MRTFB: variants seen among roughly 807,000 people sequenced by gnomAD.
The protein encoded by MRTFB is myocardin related transcription factor B, also known as myocardin-related transcription factor B.
A neutral mutation model predicts 104.2 loss-of-function variants in MRTFB; 29 were observed. The observed-to-expected ratio is 0.28, with a 90% CI of 0.21 to 0.38. MRTFB has a LOEUF of 0.38. Among genes scored for constraint, MRTFB ranks in the 10% least tolerant of loss-of-function variants. The pLI is 1.00. For missense variants in MRTFB, 1,270 were observed against 1,341.6 expected (o/e 0.95, Z 0.83); for synonymous variants, 535 against 519.5 (o/e 1.03, Z -0.41).
chr16:14,106,427 A>G (rs574929576), intron 2 of MRTFB, among the ~76,000 whole-genome samples: 12 of 152,318 alleles, frequency 7.9e-5, no homozygotes, highest in Middle Eastern at 3.4e-3. Context: ...CTTCTTACCT[A>G]TACTGTTAAG....
At position 14,240,300 on chromosome 16, in the gene MRTFB, C is replaced by T. The variant is rs372293193; in HGVS notation, c.895C>T (p.Arg299Trp). ...CAAAAAGTGCAAAGATCCCAAACCA[C>T]GGGTAAAGAAGTTAAAGTACCACCA... ...RSKKCKDPKPRVKKLKYHQYI... is the reference protein window; with the variant it reads ...RSKKCKDPKPWVKKLKYHQYI... Residue 299 changes from arginine to tryptophan, a missense_variant, in exon 10 of 17, where the codon CGG becomes TGG. Around this residue, in one of 3 missense-constraint regions of MRTFB, gnomAD observed 1,144 missense variants for 1,131.5 expected, o/e 1.01. Transcript: ENST00000571589. The T allele has an allele frequency of 1.9e-6, 3 of 1,613,792 alleles. No homozygotes were observed. The highest frequency in any genetic ancestry group is 1.3e-5 in the African/African-American group (1 of 74,880).
At chr16:14,048,863 G>C in the MRTFB span, among the ~76,000 whole-genome samples, 1 of 152,172 alleles carries the variant, frequency 6.6e-6, no homozygotes, top group African/African-American at 2.4e-5. Context: ...GTCTCCCTGG[G>C]ACCTATGCAG....
At chr16:14,118,971 TTATC>T (rs2036694494) in intron 2 of MRTFB, among the ~76,000 whole-genome samples, 3 of 152,274 alleles carry the variant, frequency 2.0e-5, no homozygotes, top group Non-Finnish European at 4.4e-5. Context: ...ACACTACAGT[TTATC>T]CATTCTTCTG....
intron 8 of MRTFB, among the ~76,000 whole-genome samples, chr16:14,228,177 G>C (rs1048545658): frequency 6.6e-6 from 1 of 152,194 alleles, no homozygotes; most frequent in African/African-American, 2.4e-5. Context: ...GTATACTGTT[G>C]GTGGGAAAGT....
At chr16:14,015,156 G>A in the MRTFB span, among the ~76,000 whole-genome samples, 1 of 152,144 alleles carries the variant, frequency 6.6e-6, no homozygotes, top group Non-Finnish European at 1.5e-5. Flanking sequence ...TAAGTGTATT[G>A]CTTTAAAGGG....
At chr16:14,007,298 A>G in the MRTFB span, among the ~76,000 whole-genome samples, 5 of 152,314 alleles carry the variant, frequency 3.3e-5, no homozygotes, top group African/African-American at 7.2e-5. Flanking sequence ...CGTTCCATAT[A>G]TGGAATTCCA....
chr16:14,000,774 G>A, the MRTFB span, among the ~76,000 whole-genome samples: 2 of 152,184 alleles, frequency 1.3e-5, no homozygotes, highest in African/African-American at 4.8e-5. Flanking sequence ...ATCACACAGT[G>A]TCTGAGTTTT....
chr16:14,047,734 A>AC, the MRTFB span, among the ~76,000 whole-genome samples: 1 of 151,978 alleles, frequency 6.6e-6, no homozygotes, highest in Non-Finnish European at 1.5e-5. Flanking sequence ...TGGGGGAACC[A>AC]CCCCCATGAT....
At chr16:14,031,322 C>T in the MRTFB span, among the ~76,000 whole-genome samples, 20 of 149,642 alleles carry the variant, frequency 1.3e-4, no homozygotes, top group African/African-American at 3.5e-4. Context: ...ACCTGGGAGG[C>T]GGAGGAGGTT....
rs117868773 is a variant in MRTFB, at chr16:14,211,569, G to A, written c.221-785G>A. ...GTGCAGGGTGTTACCAGGCAATAGT[G>A]GACATATGCAGACAAGATTTTGCAA... On this transcript the variant is annotated intron_variant, in intron 4 of 16. Transcript: ENST00000571589. 5.2e-3 allele frequency among the ~76,000 whole-genome samples: 792 copies of A among 152,278 alleles called. 3 individuals are homozygous for A. Among genetic ancestry groups the A allele is most frequent in the Non-Finnish European group, 9.2e-3 (627 of 68,022 alleles).
At chr16:14,019,853 A>G in the MRTFB span, among the ~76,000 whole-genome samples, 2 of 152,334 alleles carry the variant, frequency 1.3e-5, no homozygotes, top group South Asian at 2.1e-4. Context: ...AGAAATTCCA[A>G]TGCTGCCCAA....
At chr16:14,072,930 A>G (rs1333946852) in intron 1 of MRTFB, among the ~76,000 whole-genome samples, 2 of 152,222 alleles carry the variant, frequency 1.3e-5, no homozygotes, top group Non-Finnish European at 2.9e-5. Flanking sequence ...CTTCCTAACA[A>G]TTACCATTGG....
At chr16:14,253,321 G>A (rs1244908529) in intron 15 of MRTFB, among the ~76,000 whole-genome samples, 6 of 152,128 alleles carry the variant, frequency 3.9e-5, no homozygotes, top group East Asian at 3.8e-4. Context: ...CCCTGACACC[G>A]CTCCATGGGT....
the MRTFB span, among the ~76,000 whole-genome samples, chr16:14,001,783 C>T: frequency 1.3e-5 from 2 of 152,202 alleles, no homozygotes; most frequent in South Asian, 4.1e-4. Flanking sequence ...GACCCACTGA[C>T]CTCAGACCAG....
the MRTFB span, among the ~76,000 whole-genome samples, chr16:14,014,439 C>T: frequency 6.6e-6 from 1 of 152,080 alleles, no homozygotes; most frequent in Non-Finnish European, 1.5e-5. Context: ...GCCTACAGTC[C>T]CAGCTATTTG....
chr16:14,060,666 C>T, the MRTFB span, among the ~76,000 whole-genome samples: 1 of 152,110 alleles, frequency 6.6e-6, no homozygotes, highest in Non-Finnish European at 1.5e-5. Flanking sequence ...ATCTGGGCCT[C>T]ATCCAAGGTG....
chr16:14,198,057 A>T (rs1458330069), intron 3 of MRTFB, among the ~76,000 whole-genome samples: 1 of 152,210 alleles, frequency 6.6e-6, no homozygotes, highest in East Asian at 1.9e-4. Context: ...CCAGTTCTGG[A>T]TATTTCATGT....
At chr16:14,165,099 T>G (rs2039187381) in intron 3 of MRTFB, among the ~76,000 whole-genome samples, 1 of 151,980 alleles carries the variant, frequency 6.6e-6, no homozygotes, top group African/African-American at 2.4e-5. Flanking sequence ...CCGTGATGAA[T>G]CTTTTGTTCC....
chr16:14,020,816 G>A, the MRTFB span: 1 of 152,226 alleles, frequency 6.6e-6, no homozygotes, highest in Non-Finnish European at 1.5e-5. Flanking sequence ...TTTCAGGGCA[G>A]GATCCTCCTC....
Sources: gnomAD v4.1 joint callset for allele counts (sites outside exome capture counted in the v4.1 genomes callset) on GRCh38, gnomAD v4.1.1 for gene constraint, gnomAD v4.1.1 regional missense constraint, MANE v1.5 for transcripts, NCBI Gene and HGNC (gene_info 2026-07-23, HGNC 2026-07-21) for gene names.